Variants in PCDHGA7 observed in about 807,000 individuals in gnomAD.
PCDHGA7 encodes the protein protocadherin gamma-A7.
Under a neutral mutation model 58.3 loss-of-function variants are expected in PCDHGA7, and 44 were observed. That is an observed-to-expected ratio of 0.75 (90% CI 0.59 to 0.97). PCDHGA7 has a LOEUF of 0.97. Ranked by LOEUF, PCDHGA7 falls within the 50% of genes least tolerant of loss-of-function variation. The pLI, the probability that PCDHGA7 is intolerant of heterozygous loss-of-function variation, is 0.00. For missense variants in PCDHGA7, 1,266 were observed against 1,188.7 expected (o/e 1.06, Z -0.96); for synonymous variants, 516 against 504.2 (o/e 1.02, Z -0.31).
intron 1 of PCDHGA7, chr5:141,398,585 T>C (rs200356405): frequency 1.9e-6 from 3 of 1,614,080 alleles, no homozygotes; most frequent in Non-Finnish European, 2.5e-6. Flanking sequence ...ACAAGATTTA[T>C]ACTAGAAGTA....
chr5:141,413,024 C>A, intron 1 of PCDHGA7: 2 of 736,250 alleles, frequency 2.7e-6, no homozygotes, highest in Non-Finnish European at 4.2e-6. Flanking sequence ...ACAAGCCCCA[C>A]AAACCGGCTG....
rs965503415 is a variant in PCDHGA7, at chr5:141,383,437, C to T, written c.538C>T (p.Leu180=). The T allele has an allele frequency of 6.3e-5, 101 of 1,613,860 alleles. No individual in the cohort carries two copies. The highest frequency in any genetic ancestry group is 8.4e-5 in the Non-Finnish European group (99 of 1,179,912). The change falls in exon 1 of 4, where the codon CTG becomes TTG. Residue 180 remains leucine (L), a synonymous_variant. Coordinates refer to ENST00000518325, the MANE Select transcript of PCDHGA7 (RefSeq NM_018920.4). ...YQLSPNRHFS[L]AVQSGDDETK... is the part of the protein sequence containing the mutation. The stretch of plus-strand genomic sequence containing the variant: ...GCTCAGCCCCAATCGCCACTTCTCC[C>T]TGGCTGTGCAAAGTGGAGACGATGA...
chr5:141,451,165 A>G (rs2098709571), intron 1 of PCDHGA7, among the ~76,000 whole-genome samples: 1 of 152,116 alleles, frequency 6.6e-6, no homozygotes, highest in Admixed American at 6.6e-5. Context: ...TTTTGGTAGT[A>G]TATTATTTAG....
At chr5:141,509,106 A>T (rs1159119530) in intron 3 of PCDHGA7, among the ~76,000 whole-genome samples, 1 of 152,102 alleles carries the variant, frequency 6.6e-6, no homozygotes, top group Non-Finnish European at 1.5e-5. Flanking sequence ...TAGAAACCTG[A>T]GCGCTGGTGC....
In PCDHGA7 at chr5:141,476,883, A is replaced by G. The variant is rs1266909654; in HGVS notation, c.2425-17924A>G. ...TTGTACCGGGCGCGCGTCCTGGAGG[A>G]TGCACCCTCCGGCACGCGCGTGGTA... On this transcript the variant is annotated intron_variant, in intron 1 of 3. Coordinates refer to ENST00000518325, the MANE Select transcript of PCDHGA7 (RefSeq NM_018920.4). This position sits in a 1 kb window ranked among gnomAD's most constrained non-coding sequence, Gnocchi z 7.6. 1 of 1,613,916 alleles carries G rather than the reference A, an allele frequency of 6.2e-7. No individual in the cohort carries two copies. The highest frequency in any genetic ancestry group is 8.5e-7 in the Non-Finnish European group (1 of 1,180,026).
intron 1 of PCDHGA7, among the ~76,000 whole-genome samples, chr5:141,444,241 G>A (rs1302797543): frequency 3.1e-5 from 4 of 130,308 alleles, no homozygotes; most frequent in Admixed American, 1.9e-4. Flanking sequence ...GCATGCTCTC[G>A]GCTCACTGCA....
intron 1 of PCDHGA7, chr5:141,416,995 T>G (rs912921234): frequency 2.0e-5 from 3 of 151,486 alleles, no homozygotes; most frequent in Non-Finnish European, 2.9e-5. Flanking sequence ...TGTGCATTCA[T>G]CTCAAATAAT....
intron 2 of PCDHGA7, among the ~76,000 whole-genome samples, chr5:141,504,563 C>G (rs1036149640): frequency 3.3e-5 from 5 of 149,436 alleles, no homozygotes; most frequent in African/African-American, 1.2e-4. Context: ...GACTGGCATT[C>G]TAGGGAACAC....
At chr5:141,395,578 G>A (rs2093281923) in intron 1 of PCDHGA7, 1 of 227,714 alleles carries the variant, frequency 4.4e-6, no homozygotes, top group East Asian at 9.3e-5. Flanking sequence ...GTGTGTGTGT[G>A]TGTGTGTGTG....
chr5:141,508,139 G>C (rs1243018384), intron 3 of PCDHGA7: 1 of 152,514 alleles, frequency 6.6e-6, no homozygotes, highest in African/African-American at 2.4e-5. Flanking sequence ...CAGGGAGCTG[G>C]GGGCTGAGTT....
chr5:141,465,574 C>T (rs1477852984), intron 1 of PCDHGA7, among the ~76,000 whole-genome samples: 2 of 152,160 alleles, frequency 1.3e-5, no homozygotes, highest in Admixed American at 1.3e-4. Context: ...TTTCTCAAAA[C>T]ACTCTCATAA....
chr5:141,389,084 T>C (rs376665735), intron 1 of PCDHGA7: 12 of 1,613,880 alleles, frequency 7.4e-6, no homozygotes, highest in Admixed American at 1.7e-5. Flanking sequence ...GAAACACGTA[T>C]AAATTAGTGA....
intron 1 of PCDHGA7, chr5:141,440,761 C>T (rs2098198732): frequency 6.6e-6 from 1 of 152,172 alleles, no homozygotes; most frequent in African/African-American, 2.4e-5. Context: ...GCAGAGCTCC[C>T]ATCCCTTAGT....
chr5:141,439,310 A>G lies in PCDHGA7; in HGVS notation c.2424+53987A>G, dbSNP rs775009481. ...TCCATGGAAAAAGTAAAGCCCAGGCATGGAAGTGGGAATGGAAAGAAAGAT... is the reference window on the plus strand; with the variant it reads ...TCCATGGAAAAAGTAAAGCCCAGGCGTGGAAGTGGGAATGGAAAGAAAGAT... On this transcript the variant is annotated intron_variant, in intron 1 of 3. Transcript: ENST00000518325. 1.6e-4 allele frequency among the ~76,000 whole-genome samples: 24 copies of G among 152,320 alleles called. No homozygotes were observed. In the South Asian group the frequency reaches 4.1e-3, roughly 26 times the overall value.
At chr5:141,397,569 G>A (rs996927698) in intron 1 of PCDHGA7, among the ~76,000 whole-genome samples, 2 of 152,162 alleles carry the variant, frequency 1.3e-5, no homozygotes, top group Non-Finnish European at 2.9e-5. Context: ...CTGAGAGCAA[G>A]AACTGTATCA....
chr5:141,401,285 T>TGAGCC (rs2094137060), intron 1 of PCDHGA7, among the ~76,000 whole-genome samples: 1 of 151,918 alleles, frequency 6.6e-6, no homozygotes, highest in Non-Finnish European at 1.5e-5. Context: ...GAGGTTGCGG[T>TGAGCC]GAGCCGAGAT....
Position 141,383,821 on chromosome 5 carries a change from G to C in PCDHGA7, c.922G>C (p.Asp308His). Residue 308 changes from aspartate to histidine, a missense_variant, in exon 1 of 4, where the codon GAT (aspartate) becomes CAT (histidine). By Grantham distance (81) the Asp-to-His change is moderately conservative (BLOSUM62 -1). Coordinates refer to ENST00000518325, the MANE Select transcript of PCDHGA7 (RefSeq NM_018920.4). ...AGAAATATCAACTTTAGAAGGATTAGATTATGAAGAAACTGCCTTCTATGA... is the reference window on the plus strand; with the variant it reads ...AGAAATATCAACTTTAGAAGGATTACATTATGAAGAAACTGCCTTCTATGA... ...TGEISTLEGL[D>H]YEETAFYEME... 1 of 1,613,922 alleles carries C rather than the reference G, an allele frequency of 6.2e-7. No homozygotes were observed. Among genetic ancestry groups the C allele is most frequent in the Non-Finnish European group, 8.5e-7 (1 of 1,179,840 alleles).
In PCDHGA7 at chr5:141,385,212, C is replaced by T; in HGVS notation, c.2313C>T (p.Pro771=). Residue 771 remains proline (P), a synonymous_variant, in exon 1 of 4, where the codon CCC becomes CCT. Transcript: ENST00000518325. ...ADSRKSHLIF[P]QPNYVDMLIS... ...CTCGGAAGAGTCACCTGATCTTCCC[C>T]CAGCCCAACTATGTAGACATGCTCA... 1 of 1,614,230 alleles carries T rather than the reference C, an allele frequency of 6.2e-7. No individual in the cohort carries two copies. The highest frequency in any genetic ancestry group is 8.5e-7 in the Non-Finnish European group (1 of 1,180,052).
intron 1 of PCDHGA7, among the ~76,000 whole-genome samples, chr5:141,452,761 G>A (rs1291983570): frequency 6.6e-6 from 1 of 152,036 alleles, no homozygotes; most frequent in East Asian, 1.9e-4. Flanking sequence ...AGGAAGGGAG[G>A]GAGGGAAAAC....
Sources: allele counts gnomAD v4.1 joint callset (sites outside exome capture counted in the v4.1 genomes callset), GRCh38; gene constraint gnomAD v4.1.1; non-coding constraint Gnocchi (gnomAD v3.1); transcripts MANE v1.5; gene names NCBI Gene and HGNC (gene_info 2026-07-23, HGNC 2026-07-21).